The following STK17B variants were observed in gnomAD, a reference collection of about 807,000 sequenced individuals.
STK17B encodes serine/threonine-protein kinase 17B.
In STK17B, 21 loss-of-function variants were observed where a neutral mutation model predicts 42.0. That is an observed-to-expected ratio of 0.50 (90% CI 0.35 to 0.72). The LOEUF is 0.72. Ranked by LOEUF, STK17B falls within the 30% of genes least tolerant of loss-of-function variation. The probability of loss-of-function intolerance (pLI) is 0.00; values close to 1 mark genes in which losing one functional copy is unlikely to be tolerated. For synonymous variants in STK17B, 143 were observed against 148.4 expected, an observed-to-expected ratio of 0.96 and a Z score of 0.26; for missense variants, 349 against 446.0, an observed-to-expected ratio of 0.78 and a Z score of 1.96.
rs1356910665 is a variant in STK17B, at chr2:196,139,815, G to A, written c.657-16C>T. On this transcript the variant is annotated splice_polypyrimidine_tract_variant and intron_variant, in intron 6 of 7. Transcript: ENST00000263955. ...ACCAATATTCCTGAAAAACAAGGGA[G>A]GGGAACTTAAAATGTATGTTAATTT... 1 of 1,338,830 alleles carries A rather than the reference G, an allele frequency of 7.5e-7. No individual in the cohort carries two copies. 82.9% of individuals were successfully genotyped at this position (1,338,830 alleles called of 1,614,324 possible).
intron 2 of STK17B, among the ~76,000 whole-genome samples, chr2:196,159,021 A>C (rs937966442): frequency 6.6e-6 from 1 of 151,502 alleles, no homozygotes; most frequent in African/African-American, 2.4e-5. Flanking sequence ...AAAAAAAAAA[A>C]AAACAAAAAA....
At chr2:196,139,030 G>A (rs1487984516) in intron 7 of STK17B, among the ~76,000 whole-genome samples, 2 of 151,960 alleles carry the variant, frequency 1.3e-5, no homozygotes, top group East Asian at 1.9e-4. Context: ...GCAGTGGCGC[G>A]ATCTCTGCTT....
upstream of STK17B, chr2:196,174,379 G>A (rs1055309812): frequency 2.0e-5 from 3 of 152,324 alleles, no homozygotes; most frequent in African/African-American, 4.8e-5. Context: ...ATCAAGGAAA[G>A]TGATTCTCAC....
chr2:196,156,315 C>T, intron 3 of STK17B, 124 bp downstream of exon 3: 1 of 822,774 alleles, frequency 1.2e-6, no homozygotes, highest in Non-Finnish European at 1.9e-6. Context: ...TAAATTAGGT[C>T]CCTTTTACAT....
At chr2:196,170,545 T>C (rs1699926669) in intron 1 of STK17B, among the ~76,000 whole-genome samples, 1 of 152,344 alleles carries the variant, frequency 6.6e-6, no homozygotes, top group Non-Finnish European at 1.5e-5. Flanking sequence ...CCAGCTGCTA[T>C]AAAGCCTCTT....
At chr2:196,144,056 A>T (rs1447355796) in intron 4 of STK17B, among the ~76,000 whole-genome samples, 1 of 152,086 alleles carries the variant, frequency 6.6e-6, no homozygotes, top group African/African-American at 2.4e-5. Flanking sequence ...TGCTCTGGGT[A>T]GCTGGGTACG....
chr2:196,139,378 T>A (rs1469428919), intron 7 of STK17B, among the ~76,000 whole-genome samples: 3 of 152,256 alleles, frequency 2.0e-5, no homozygotes, highest in Admixed American at 6.5e-5. Flanking sequence ...AGTAGTGGTT[T>A]GTGAGAGAAG....
chr2:196,161,127 C>T (rs1265778299), intron 2 of STK17B, among the ~76,000 whole-genome samples: 2 of 152,090 alleles, frequency 1.3e-5, no homozygotes, highest in Non-Finnish European at 2.9e-5. Context: ...ATCGCTGAAG[C>T]ATTCAAACTG....
At chr2:196,155,059 C>T (rs1699720845) in intron 3 of STK17B, among the ~76,000 whole-genome samples, 1 of 152,128 alleles carries the variant, frequency 6.6e-6, no homozygotes, top group African/African-American at 2.4e-5. Context: ...TGGATGAACC[C>T]CCAAAAGAGG....
Position 196,137,321 on chromosome 2 carries a change from C to T in STK17B, c.*126G>A. 2.8e-6 allele frequency: 3 copies of T among 1,058,576 alleles called. No homozygotes were observed. The highest frequency in any genetic ancestry group is 4.0e-6 in the Non-Finnish European group (3 of 758,546). The allele number at this position is 1,058,576 out of a possible 1,614,324, so 65.6% of individuals were successfully genotyped here. On this transcript the variant is annotated 3_prime_UTR_variant, in exon 8 of 8. Transcript: ENST00000263955. ...AGTAATTTAACATTAAAACACTTCC[C>T]TAAATTATTCCATGGAAAAGTGCAT... is the stretch of plus-strand genomic sequence containing the variant.
At chr2:196,143,323 C>T (rs1203927215) in intron 5 of STK17B, among the ~76,000 whole-genome samples, 1 of 152,170 alleles carries the variant, frequency 6.6e-6, no homozygotes, top group African/African-American at 2.4e-5. Flanking sequence ...TATACACAAA[C>T]ATTCAACTTG....
upstream of STK17B, among the ~76,000 whole-genome samples, chr2:196,175,140 T>C (rs1245787917): frequency 4.6e-5 from 7 of 152,250 alleles, no homozygotes; most frequent in African/African-American, 1.7e-4. Flanking sequence ...CATTTCAACA[T>C]GTAATCAACA....
At chr2:196,171,717 G>C (rs146288756), upstream of STK17B, 2,939 of 151,302 alleles carry the variant, frequency 0.019, 251 homozygotes, top group East Asian at 0.27. Context: ...GCGCGTGTGC[G>C]GGGCGGGGCC....
intron 7 of STK17B, among the ~76,000 whole-genome samples, chr2:196,138,650 A>C (rs896500717): frequency 7.3e-5 from 11 of 151,572 alleles, no homozygotes; most frequent in Admixed American, 2.6e-4. Flanking sequence ...ATCTCAGCTC[A>C]CCACAACCTC....
At chr2:196,149,170 T>A (rs1050572617) in intron 3 of STK17B, among the ~76,000 whole-genome samples, 2 of 151,960 alleles carry the variant, frequency 1.3e-5, no homozygotes, top group Non-Finnish European at 2.9e-5. Context: ...GCTATTTTTT[T>A]TTTTTTTTCC....
chr2:196,150,736 C>T (rs1005396612), intron 3 of STK17B, among the ~76,000 whole-genome samples: 108 of 152,178 alleles, frequency 7.1e-4, no homozygotes, highest in African/African-American at 2.4e-3. Flanking sequence ...GTGATCAAAA[C>T]GAACTTGTTT....
Position 196,136,086 on chromosome 2 carries a change from A to G in STK17B, c.*1361T>C, listed in dbSNP as rs952404901. The G allele has an allele frequency of 6.6e-6, 1 of 152,236 alleles. No homozygotes were observed. Among genetic ancestry groups the G allele is most frequent in the African/African-American group, 2.4e-5 (1 of 41,462 alleles). 9.4% of individuals were successfully genotyped at this position (152,236 alleles called of 1,614,324 possible). On this transcript the variant is annotated 3_prime_UTR_variant, in exon 8 of 8. Transcript: ENST00000263955. Reference sequence around the variant, plus strand: ...CAAAATTTTGAGAAGTTAAAGGTCTAAAGGGGGAACATCAGGTTGTTGTTA... The same window carrying G: ...CAAAATTTTGAGAAGTTAAAGGTCTGAAGGGGGAACATCAGGTTGTTGTTA...
chr2:196,160,000 GA>G (rs1009408395), intron 2 of STK17B, among the ~76,000 whole-genome samples: 1 of 151,748 alleles, frequency 6.6e-6, no homozygotes, highest in African/African-American at 2.4e-5. Context: ...GATGACTTAG[GA>G]AAAAAACCAA....
rs1471907101 is a variant in STK17B at position 196,134,435 on chromosome 2, C to T, written c.*3012G>A. ...CCACACGTGCAAGAGATCTAGGTTG[C>T]ATGCTCCTTATGAGAATCTAATGAT... is the stretch of plus-strand genomic sequence containing the variant. On this transcript the variant is annotated 3_prime_UTR_variant, in exon 8 of 8. Coordinates refer to ENST00000263955, the MANE Select transcript of STK17B (RefSeq NM_004226.4). The T allele has an allele frequency of 6.6e-6, 1 of 152,220 alleles. No homozygotes were observed. The highest frequency in any genetic ancestry group is 2.4e-5 in the African/African-American group (1 of 41,458). The allele number at this position is 152,220 out of a possible 1,614,324, so 9.4% of individuals were successfully genotyped here.
Sources: allele counts gnomAD v4.1 joint callset (sites outside exome capture counted in the v4.1 genomes callset), GRCh38; gene constraint gnomAD v4.1.1; transcripts MANE v1.5; gene names NCBI Gene and HGNC (gene_info 2026-07-23, HGNC 2026-07-21).